BBS9: variants seen among roughly 807,000 people sequenced by gnomAD.
The protein encoded by BBS9 is protein PTHB1.
In BBS9, 89 loss-of-function variants were observed where a neutral mutation model predicts 117.7. The ratio of observed to expected loss-of-function variants is 0.76; its 90% CI spans 0.64 to 0.90. The LOEUF (loss-of-function observed/expected upper bound fraction) is 0.90, where lower values mean the gene tolerates loss of function less well. BBS9 is among the 40% of genes least tolerant of loss of function. The pLI is 0.00. For synonymous variants in BBS9, 379 were observed against 370.9 expected (o/e 1.02, Z -0.25); for missense variants, 982 against 1,042.2 (o/e 0.94, Z 0.80).
In BBS9 at chr7:33,569,227, G is replaced by A. The variant is rs372385649; in HGVS notation, c.2521+35051G>A. On this transcript the variant is annotated intron_variant, in intron 21 of 22. Coordinates refer to ENST00000242067, the MANE Select transcript of BBS9 (RefSeq NM_198428.3). The stretch of plus-strand genomic sequence containing the variant: ...AGGGTAAAAAGTATTATACACAAAC[G>A]CTTCGCTCAAGTTAGTGAATTTGTG... Among the ~76,000 whole-genome samples the A allele has an allele frequency of 3.7e-4, 57 of 152,232 alleles. No homozygotes were observed. In the East Asian group the frequency reaches 7.2e-3, roughly 19 times the overall value.
chr7:33,211,646 G>A (rs566869167), intron 5 of BBS9, among the ~76,000 whole-genome samples: 4 of 152,142 alleles, frequency 2.6e-5, no homozygotes, highest in Non-Finnish European at 5.9e-5. Context: ...TCATGACTAT[G>A]GTTTTGTAAT....
intron 17 of BBS9, among the ~76,000 whole-genome samples, chr7:33,373,688 A>G (rs1823278205): frequency 6.6e-6 from 1 of 152,210 alleles, no homozygotes; most frequent in Admixed American, 6.5e-5. Context: ...TGAAAAATGG[A>G]AAAGGTAACT....
At chr7:33,362,272 A>G (rs1325313335) in intron 16 of BBS9, among the ~76,000 whole-genome samples, 1 of 152,176 alleles carries the variant, frequency 6.6e-6, no homozygotes, top group African/African-American at 2.4e-5. Context: ...CTTAATCTTC[A>G]TAAACCCCCC....
rs73095352 is a variant in BBS9 at position 33,151,208 on chromosome 7, C to T, written c.113-1493C>T. On this transcript the variant is annotated intron_variant, in intron 2 of 22. Transcript: ENST00000242067. ...TTGAGGCTGCAACAAGCTGTGATTG[C>T]ATCACTGTACTCAAGCCTGGGCAAC... 8.0e-3 allele frequency among the ~76,000 whole-genome samples: 1,222 copies of T among 152,004 alleles called. 6 individuals carry two copies. The highest frequency in any genetic ancestry group is 0.014 in the Non-Finnish European group (930 of 67,992).
chr7:33,516,785 T>C (rs1281200135), intron 20 of BBS9, among the ~76,000 whole-genome samples: 1 of 152,236 alleles, frequency 6.6e-6, no homozygotes, highest in African/African-American at 2.4e-5. Context: ...ATTGGTATCA[T>C]TTTAAATTTG....
intron 9 of BBS9, among the ~76,000 whole-genome samples, chr7:33,329,184 C>A (rs1459100523): frequency 1.3e-5 from 2 of 151,974 alleles, no homozygotes; most frequent in Non-Finnish European, 2.9e-5. Flanking sequence ...CCACTCCCAG[C>A]AAATTTTTGT....
chr7:33,412,874 A>G (rs1198408717), intron 19 of BBS9, among the ~76,000 whole-genome samples: 2 of 152,140 alleles, frequency 1.3e-5, no homozygotes, highest in African/African-American at 4.8e-5. Context: ...CATCTTTTCA[A>G]ATTTTGCTTT....
At chr7:33,252,690 G>A (rs913419203) in intron 5 of BBS9, among the ~76,000 whole-genome samples, 6 of 151,922 alleles carry the variant, frequency 3.9e-5, no homozygotes, top group Non-Finnish European at 8.8e-5. Context: ...CTGCTTGCAA[G>A]TACACATGTT....
chr7:33,430,656 C>G (rs1266240764), intron 19 of BBS9, among the ~76,000 whole-genome samples: 1 of 152,246 alleles, frequency 6.6e-6, no homozygotes, highest in Non-Finnish European at 1.5e-5. Flanking sequence ...CTTCTTTCCT[C>G]TATCAATCTC....
intron 17 of BBS9, among the ~76,000 whole-genome samples, chr7:33,379,458 C>T (rs956843846): frequency 6.6e-6 from 1 of 151,912 alleles, no homozygotes; most frequent in African/African-American, 2.4e-5. Flanking sequence ...TAGGCTAACC[C>T]CAAGTTTTTT....
At chr7:33,294,599 G>A (rs1176696061) in intron 9 of BBS9, among the ~76,000 whole-genome samples, 1 of 152,136 alleles carries the variant, frequency 6.6e-6, no homozygotes, top group East Asian at 1.9e-4. Context: ...CAAGCTTTAA[G>A]AGGCAATCTT....
chr7:33,472,715 A>C (rs1463767247), intron 19 of BBS9, among the ~76,000 whole-genome samples: 1 of 152,216 alleles, frequency 6.6e-6, no homozygotes, highest in Non-Finnish European at 1.5e-5. Flanking sequence ...ATTTGGGCCA[A>C]ATGGCTTCTT....
intron 5 of BBS9, among the ~76,000 whole-genome samples, chr7:33,180,880 A>G (rs1798003340): frequency 6.6e-6 from 1 of 151,538 alleles, no homozygotes; most frequent in Non-Finnish European, 1.5e-5. Flanking sequence ...CCTGGGGAAA[A>G]GGATCCTCAC....
chr7:33,561,882 G>A (rs2129116209), intron 21 of BBS9, among the ~76,000 whole-genome samples: 1 of 152,276 alleles, frequency 6.6e-6, no homozygotes, highest in South Asian at 2.1e-4. Context: ...ATTTTCCACT[G>A]ATGGCTATGT....
At chr7:33,493,216 A>G (rs1378845373) in intron 19 of BBS9, among the ~76,000 whole-genome samples, 1 of 152,146 alleles carries the variant, frequency 6.6e-6, no homozygotes, top group Non-Finnish European at 1.5e-5. Context: ...GCTGGTCTCA[A>G]ACTCCTGACC....
intron 20 of BBS9, 70 bp downstream of exon 20, chr7:33,505,715 A>G (rs1001939860): frequency 4.3e-5 from 65 of 1,507,344 alleles, no homozygotes; most frequent in Non-Finnish European, 5.4e-5. Context: ...AAGATATCAC[A>G]TGGCTATCAG....
chr7:33,463,283 T>C (rs550778612), intron 19 of BBS9, among the ~76,000 whole-genome samples: 76 of 152,214 alleles, frequency 5.0e-4, no homozygotes, highest in Non-Finnish European at 9.7e-4. Flanking sequence ...GATTTTCCTT[T>C]TGTAACCAAT....
At chr7:33,344,713 A>G in intron 12 of BBS9, 79 bp downstream of exon 12, 3 of 1,405,794 alleles carry the variant, frequency 2.1e-6, no homozygotes, top group South Asian at 2.3e-5. Flanking sequence ...GAGAACTTGT[A>G]AGTAGCTTAC....
intron 1 of BBS9, among the ~76,000 whole-genome samples, chr7:33,131,363 G>A (rs1789587844): frequency 6.6e-6 from 1 of 152,192 alleles, no homozygotes; most frequent in South Asian, 2.1e-4. Flanking sequence ...GTAGTGTAAC[G>A]TGGTCAGAAA....
Sources: allele counts gnomAD v4.1 joint callset (sites outside exome capture counted in the v4.1 genomes callset), GRCh38; gene constraint gnomAD v4.1.1; transcripts MANE v1.5; gene names NCBI Gene and HGNC (gene_info 2026-07-23, HGNC 2026-07-21).